LCLAT1: variants seen among roughly 807,000 people sequenced by gnomAD.
The protein encoded by LCLAT1 is lysocardiolipin acyltransferase 1.
A neutral mutation model predicts 30.7 loss-of-function variants in LCLAT1; 11 were observed. The ratio of observed to expected loss-of-function variants is 0.36; its 90% CI spans 0.23 to 0.59. LCLAT1 has a LOEUF of 0.59. LCLAT1 is among the 20% of genes least tolerant of loss of function. The pLI is 0.77. For missense variants in LCLAT1, 402 were observed against 458.6 expected, an observed-to-expected ratio of 0.88 and a Z score of 1.13; for synonymous variants, 155 against 151.3, an observed-to-expected ratio of 1.02 and a Z score of -0.18.
At chr2:30,604,052 TTATGA>T (rs144447232) in intron 5 of LCLAT1, among the ~76,000 whole-genome samples, 2,024 of 142,112 alleles carry the variant, frequency 0.014, 45 homozygotes, top group African/African-American at 0.046. Flanking sequence ...TTACCAAGAA[TTATGA>T]TATAACTATA....
chr2:30,497,358 T>C (rs916810272), intron 1 of LCLAT1, among the ~76,000 whole-genome samples: 80 of 152,334 alleles, frequency 5.3e-4, no homozygotes, highest in African/African-American at 1.9e-3. Context: ...TCTTAGCCTT[T>C]ACACTGAATT....
chr2:30,573,150 G>T (rs1011669901), intron 5 of LCLAT1, among the ~76,000 whole-genome samples: 5 of 152,188 alleles, frequency 3.3e-5, no homozygotes, highest in Non-Finnish European at 5.9e-5. Context: ...AGAAACCTGG[G>T]AGTCATTGTT....
intron 1 of LCLAT1, among the ~76,000 whole-genome samples, chr2:30,483,416 C>T (rs1209706830): frequency 6.6e-6 from 1 of 152,164 alleles, no homozygotes; most frequent in Non-Finnish European, 1.5e-5. Context: ...TTAGAAAATA[C>T]AACCTGCCAC....
chr2:30,600,631 G>GGCTT (rs1202485534), intron 5 of LCLAT1, among the ~76,000 whole-genome samples: 1 of 133,696 alleles, frequency 7.5e-6, no homozygotes, highest in Non-Finnish European at 1.6e-5. Flanking sequence ...AGTCTCTTCT[G>GGCTT]GCTTGTAGGG....
intron 1 of LCLAT1, among the ~76,000 whole-genome samples, chr2:30,469,592 T>C (rs1174528474): frequency 2.1e-5 from 3 of 144,164 alleles, no homozygotes; most frequent in Non-Finnish European, 4.5e-5. Flanking sequence ...TTTTTTTTTT[T>C]TTTTGAGACG....
At chr2:30,514,570 A>G (rs1685097271) in intron 1 of LCLAT1, among the ~76,000 whole-genome samples, 1 of 152,204 alleles carries the variant, frequency 6.6e-6, no homozygotes, top group African/African-American at 2.4e-5. Context: ...AGTTCCTGAT[A>G]GGTATTCGGT....
intron 2 of LCLAT1, among the ~76,000 whole-genome samples, chr2:30,529,563 C>G (rs75497212): frequency 2.0e-5 from 3 of 152,098 alleles, no homozygotes; most frequent in African/African-American, 7.2e-5. Flanking sequence ...TCTAACTAAC[C>G]GACAGTCTGA....
At chr2:30,623,155 G>A (rs1668348786) in intron 5 of LCLAT1, among the ~76,000 whole-genome samples, 1 of 145,888 alleles carries the variant, frequency 6.9e-6, no homozygotes, top group Non-Finnish European at 1.5e-5. Context: ...CTGGATTCAT[G>A]CCATTCTCCT....
At chr2:30,547,900 T>C (rs956633556) in intron 3 of LCLAT1, among the ~76,000 whole-genome samples, 1 of 152,198 alleles carries the variant, frequency 6.6e-6, no homozygotes, top group African/African-American at 2.4e-5. Flanking sequence ...AATGTATCCA[T>C]TGTTTGATTT....
chr2:30,605,390 T>A (rs1667390960), intron 5 of LCLAT1, among the ~76,000 whole-genome samples: 1 of 152,196 alleles, frequency 6.6e-6, no homozygotes, highest in Admixed American at 6.6e-5. Context: ...AAATGTTAAT[T>A]TCATGGCTTT....
intron 1 of LCLAT1, among the ~76,000 whole-genome samples, chr2:30,523,942 TTGTC>T (rs1341387808): frequency 2.6e-5 from 4 of 152,234 alleles, no homozygotes; most frequent in Admixed American, 6.5e-5. Flanking sequence ...GTTTTGTTGT[TTGTC>T]TGTCTGACAT....
At chr2:30,540,445 C>G (rs1363889748) in intron 3 of LCLAT1, among the ~76,000 whole-genome samples, 1 of 152,090 alleles carries the variant, frequency 6.6e-6, no homozygotes, top group Admixed American at 6.6e-5. Context: ...TCACATAAAA[C>G]TGAATTTATC....
intron 1 of LCLAT1, among the ~76,000 whole-genome samples, chr2:30,473,511 A>G (rs181529483): frequency 5.5e-4 from 84 of 152,286 alleles, no homozygotes; most frequent in African/African-American, 1.5e-3. Flanking sequence ...TATTTATTCT[A>G]TAATTCCTTA....
intron 1 of LCLAT1, among the ~76,000 whole-genome samples, chr2:30,489,815 A>G (rs1212630438): frequency 6.6e-6 from 1 of 152,232 alleles, no homozygotes; most frequent in South Asian, 2.1e-4. Context: ...TCAGGACTCT[A>G]GTTGCTTCTG....
chr2:30,498,906 T>G (rs1287958884), intron 1 of LCLAT1, among the ~76,000 whole-genome samples: 3 of 152,208 alleles, frequency 2.0e-5, no homozygotes, highest in Admixed American at 2.0e-4. Context: ...CTTAGGCTCC[T>G]TCTATCTCTA....
chr2:30,585,708 G>T (rs1430814079), intron 5 of LCLAT1, among the ~76,000 whole-genome samples: 2 of 152,054 alleles, frequency 1.3e-5, no homozygotes, highest in African/African-American at 2.4e-5. Flanking sequence ...ATACTCTGTG[G>T]TCCATTGTTT....
chr2:30,610,491 A>G (rs950261140), intron 5 of LCLAT1, among the ~76,000 whole-genome samples: 2 of 152,144 alleles, frequency 1.3e-5, no homozygotes, highest in Non-Finnish European at 1.5e-5. Context: ...TCTGGTGGAA[A>G]TTGTTTTTAA....
chr2:30,537,542 A>ACG (rs1553370499), intron 3 of LCLAT1, among the ~76,000 whole-genome samples: 18 of 151,918 alleles, frequency 1.2e-4, no homozygotes, highest in African/African-American at 3.9e-4. Context: ...ACACACACAC[A>ACG]CACGCACGCA....
chr2:30,598,516 C>T (rs998334244), intron 5 of LCLAT1, among the ~76,000 whole-genome samples: 4 of 150,032 alleles, frequency 2.7e-5, no homozygotes, highest in Non-Finnish European at 4.4e-5. Context: ...TTTTGTATTG[C>T]GTCTATTTGA....
Sources: allele counts gnomAD v4.1 joint callset (sites outside exome capture counted in the v4.1 genomes callset), GRCh38; gene constraint gnomAD v4.1.1; transcripts MANE v1.5; gene names NCBI Gene and HGNC (gene_info 2026-07-23, HGNC 2026-07-21).